The following PCED1B variants were observed in gnomAD, a reference collection of about 807,000 sequenced individuals.
The protein encoded by PCED1B is PC-esterase domain-containing protein 1B.
For synonymous variants in PCED1B, 251 were observed against 246.1 expected, an observed-to-expected ratio of 1.02 and a Z score of -0.19; for missense variants, 573 against 573.9, an observed-to-expected ratio of 1.00 and a Z score of 0.02.
chr12:47,085,185 T>C lies in PCED1B; in HGVS notation c.-609+5460T>C, dbSNP rs562223363. ...AACCCATTTAACCTCTCCAGGAACCTCAAGAGTTAATTGAGGATGTAACAA... is the reference window on the plus strand; with the variant it reads ...AACCCATTTAACCTCTCCAGGAACCCCAAGAGTTAATTGAGGATGTAACAA... On this transcript the variant is annotated intron_variant, in intron 1 of 3. Transcript: ENST00000546455. 6.6e-4 allele frequency among the ~76,000 whole-genome samples: 100 copies of C among 152,310 alleles called. 2 individuals are homozygous for C. The highest frequency in any genetic ancestry group is 2.2e-3 in the African/African-American group (92 of 41,578).
At chr12:47,135,799 G>A (rs913071239) in intron 2 of PCED1B, 9 of 509,430 alleles carry the variant, frequency 1.8e-5, no homozygotes, top group Admixed American at 4.0e-5. Context: ...GGGTTGTGGG[G>A]TGCCCCCAGC....
chr12:47,171,010 C>A (rs1941711433), intron 2 of PCED1B, among the ~76,000 whole-genome samples: 1 of 151,764 alleles, frequency 6.6e-6, no homozygotes. Flanking sequence ...ACTGTTCCCA[C>A]CAATAAATGA....
intron 2 of PCED1B, among the ~76,000 whole-genome samples, chr12:47,202,594 TA>T (rs60769675): frequency 0.29 from 19,078 of 66,812 alleles, 739 homozygotes; most frequent in East Asian, 0.38. Context: ...TAGACATTAG[TA>T]AAAAAAAAAA....
intron 2 of PCED1B, among the ~76,000 whole-genome samples, chr12:47,137,993 A>G (rs1266048535): frequency 6.6e-6 from 1 of 152,218 alleles, no homozygotes; most frequent in African/African-American, 2.4e-5. Context: ...GCCTATGAAC[A>G]GTTCGAATTA....
In PCED1B at chr12:47,195,059, C is replaced by T. The variant is rs534337616; in HGVS notation, c.-525-21163C>T. ...AATATTTCTAAAAGTAGGCCGGGCG[C>T]GGTGGCTCACGCCTATAATCCCAGC... On this transcript the variant is annotated intron_variant, in intron 2 of 3. Coordinates refer to ENST00000546455, the MANE Select transcript of PCED1B (RefSeq NM_138371.3). Among the ~76,000 whole-genome samples the T allele has an allele frequency of 8.5e-5, 13 of 152,188 alleles. No individual in the cohort carries two copies. In the East Asian group the frequency reaches 1.5e-3, roughly 18 times the overall value.
At chr12:47,088,324 C>T (rs1235797217) in intron 1 of PCED1B, among the ~76,000 whole-genome samples, 2 of 152,172 alleles carry the variant, frequency 1.3e-5, no homozygotes, top group African/African-American at 2.4e-5. Flanking sequence ...GTGGCTCCCC[C>T]GAGCCTGGCT....
chr12:47,109,645 CAT>C (rs1939105986), intron 2 of PCED1B, among the ~76,000 whole-genome samples: 1 of 152,154 alleles, frequency 6.6e-6, no homozygotes, highest in Admixed American at 6.5e-5. Context: ...TGTGTTCCCT[CAT>C]ATTTATCTCT....
rs140093368 is a variant in PCED1B at position 47,151,783 on chromosome 12, C to G, written c.-526+47588C>G. Reference sequence around the variant, plus strand: ...TTCCTACTTAGTCTTTTATTCTATTCAGGCCTTCACCCAAATGAGATGAGA... The same window carrying G: ...TTCCTACTTAGTCTTTTATTCTATTGAGGCCTTCACCCAAATGAGATGAGA... On this transcript the variant is annotated intron_variant, in intron 2 of 3. Coordinates refer to ENST00000546455, the MANE Select transcript of PCED1B (RefSeq NM_138371.3). 1.4e-3 allele frequency among the ~76,000 whole-genome samples: 215 copies of G among 152,282 alleles called. 1 individual carries two copies. Among genetic ancestry groups the G allele is most frequent in the Non-Finnish European group, 2.3e-3 (159 of 68,020 alleles).
chr12:47,172,634 G>C (rs11183772), intron 2 of PCED1B, among the ~76,000 whole-genome samples: 2 of 152,122 alleles, frequency 1.3e-5, no homozygotes, highest in South Asian at 2.1e-4. Flanking sequence ...GCATTTCCTA[G>C]CTTTATGAAC....
At chr12:47,223,965 G>T (rs1197292228) in intron 3 of PCED1B, 4 of 152,228 alleles carry the variant, frequency 2.6e-5, no homozygotes, top group Non-Finnish European at 5.9e-5. Flanking sequence ...CAGCCCAAGA[G>T]CACGCAGCTG....
In PCED1B at chr12:47,122,573, A is replaced by G. The variant is rs117601739; in HGVS notation, c.-526+18378A>G. Among the ~76,000 whole-genome samples, 1,057 of 152,342 alleles carry G rather than the reference A, an allele frequency of 6.9e-3. 16 individuals carry two copies. Among genetic ancestry groups the G allele is most frequent in the Non-Finnish European group, 8.6e-3 (582 of 68,034 alleles). On this transcript the variant is annotated intron_variant, in intron 2 of 3. Transcript: ENST00000546455. ...CAAGATATTTAGTATGGAAAACTAGAGTAATGGAGGCTTTCTCCTTTCAAC... is the reference window on the plus strand; with the variant it reads ...CAAGATATTTAGTATGGAAAACTAGGGTAATGGAGGCTTTCTCCTTTCAAC...
intron 1 of PCED1B, among the ~76,000 whole-genome samples, chr12:47,081,133 G>T (rs1161017399): frequency 6.6e-6 from 1 of 152,162 alleles, no homozygotes; most frequent in Non-Finnish European, 1.5e-5. Flanking sequence ...GAGTCAGATC[G>T]CCCATTTGGC....
intron 2 of PCED1B, among the ~76,000 whole-genome samples, chr12:47,205,254 C>T (rs10881079): frequency 0.22 from 33,768 of 151,980 alleles, 4,562 homozygotes; most frequent in Non-Finnish European, 0.3. Context: ...ATCAGATGAG[C>T]CAGTTTATCG....
intron 2 of PCED1B, among the ~76,000 whole-genome samples, chr12:47,116,267 T>A (rs1229899312): frequency 6.6e-6 from 1 of 151,830 alleles, no homozygotes; most frequent in Non-Finnish European, 1.5e-5. Context: ...TGATAAGCTC[T>A]GTCCTCACCA....
At chr12:47,090,350 C>T (rs1417188874) in intron 1 of PCED1B, among the ~76,000 whole-genome samples, 1 of 152,114 alleles carries the variant, frequency 6.6e-6, no homozygotes, top group East Asian at 1.9e-4. Flanking sequence ...GAGATGCAGG[C>T]ATTTTGCAGA....
At chr12:47,126,611 A>G (rs1608824) in intron 2 of PCED1B, among the ~76,000 whole-genome samples, 5,514 of 152,260 alleles carry the variant, frequency 0.036, 329 homozygotes, top group African/African-American at 0.13. Flanking sequence ...AGATTTACCA[A>G]AGAAGCCATC....
intron 2 of PCED1B, chr12:47,138,108 C>G (rs1247743551): frequency 6.6e-6 from 1 of 152,128 alleles, no homozygotes; most frequent in Non-Finnish European, 1.5e-5. Flanking sequence ...GATAATTGTA[C>G]CAGACATGGT....
intron 2 of PCED1B, among the ~76,000 whole-genome samples, chr12:47,202,625 AAG>A (rs1451151495): frequency 6.6e-6 from 1 of 151,308 alleles, no homozygotes; most frequent in Admixed American, 6.6e-5. Context: ...AAAAAGAAAA[AAG>A]AAAAAAAATT....
intron 2 of PCED1B, among the ~76,000 whole-genome samples, chr12:47,162,627 G>A (rs1197866102): frequency 6.6e-6 from 1 of 152,170 alleles, no homozygotes; most frequent in Non-Finnish European, 1.5e-5. Flanking sequence ...GAGCAGGCAT[G>A]CTACATGGTG....
Sources: gnomAD v4.1 joint callset for allele counts (sites outside exome capture counted in the v4.1 genomes callset) on GRCh38, gnomAD v4.1.1 for gene constraint, MANE v1.5 for transcripts, NCBI Gene and HGNC (gene_info 2026-07-23, HGNC 2026-07-21) for gene names.